SEMA3E: variants seen among roughly 807,000 people sequenced by gnomAD.
SEMA3E encodes semaphorin-3E.
In SEMA3E, 49 loss-of-function variants were observed where a neutral mutation model predicts 93.6. The observed-to-expected ratio is 0.52, with a 90% CI of 0.42 to 0.66. SEMA3E has a LOEUF of 0.66. SEMA3E is among the 30% of genes least tolerant of loss of function. The pLI, the probability that SEMA3E is intolerant of heterozygous loss-of-function variation, is 0.00. For missense variants in SEMA3E, 906 were observed against 964.8 expected (o/e 0.94, Z 0.81); for synonymous variants, 363 against 330.7 (o/e 1.10, Z -1.06).
chr7:83,586,192 G>A (rs78505740), intron 1 of SEMA3E, among the ~76,000 whole-genome samples: 3 of 152,096 alleles, frequency 2.0e-5, no homozygotes, highest in East Asian at 3.9e-4. Flanking sequence ...GACAAAGGAG[G>A]CACAGACTGA....
intron 1 of SEMA3E, chr7:83,616,590 A>G: frequency 3.0e-6 from 1 of 333,072 alleles, no homozygotes; most frequent in Non-Finnish European, 6.0e-6. Flanking sequence ...AAACTCCACT[A>G]AAACTTCTAC....
chr7:83,478,103 A>C (rs1222882608), intron 2 of SEMA3E, among the ~76,000 whole-genome samples: 1 of 152,176 alleles, frequency 6.6e-6, no homozygotes, highest in Non-Finnish European at 1.5e-5. Context: ...TTGTATTTTT[A>C]GTAGAGATAG....
intron 4 of SEMA3E, among the ~76,000 whole-genome samples, chr7:83,431,088 AAAAAAG>A (rs1209065050): frequency 0.095 from 400 of 4,226 alleles, 4 homozygotes; most frequent in Middle Eastern, 0.25. Context: ...AAAAAAAGAA[AAAAAAG>A]AAAAAAAAAA....
At chr7:83,535,213 C>T (rs1791389521) in intron 1 of SEMA3E, among the ~76,000 whole-genome samples, 1 of 152,086 alleles carries the variant, frequency 6.6e-6, no homozygotes, top group South Asian at 2.1e-4. Context: ...AGTTTCATAG[C>T]TTGGGACTAG....
chr7:83,507,424 C>CTGTGTGTGTGTGTGTGTG lies in SEMA3E; in HGVS notation c.116-17168_116-17151dup, dbSNP rs4016317. ...GGATTTATCACTTCAAAACAGAACT[C>CTGTGTGTGTGTGTGTGTG]TGTGTGTGTGTGTGTGTGTGTGTGT... On this transcript the variant is annotated intron_variant, in intron 1 of 16. Coordinates refer to ENST00000643230, the MANE Select transcript of SEMA3E (RefSeq NM_012431.3). 1.3e-4 allele frequency among the ~76,000 whole-genome samples: 17 copies of CTGTGTGTGTGTGTGTGTG among 125,996 alleles called. No individual in the cohort carries two copies. In the South Asian group the frequency reaches 1.4e-3, roughly 11 times the overall value. The allele number at this position is 125,996 out of a possible 152,430, so 82.7% of individuals were successfully genotyped here. A position where few individuals can be genotyped will look rare whatever the true frequency, so the allele number is the denominator to read the frequency against.
intron 1 of SEMA3E, among the ~76,000 whole-genome samples, chr7:83,520,609 A>G (rs987233399): frequency 1.7e-4 from 25 of 145,548 alleles, no homozygotes; most frequent in African/African-American, 5.4e-4. Flanking sequence ...CTGCCTAAAA[A>G]ACAAAACCCA....
chr7:83,572,860 C>G (rs1304542211), intron 1 of SEMA3E, among the ~76,000 whole-genome samples: 1 of 151,888 alleles, frequency 6.6e-6, no homozygotes. Flanking sequence ...TTATCATATA[C>G]AAGAATTAAC....
At position 83,382,451 on chromosome 7, in the gene SEMA3E, G is replaced by A. The variant is rs1405137346; in HGVS notation, c.1875+2843C>T. ...ACTCTCTGAGTTTTAGCTTCTGCAT[G>A]TGTAAGATGAAGAAAATTATGTCTA... On this transcript the variant is annotated intron_variant, in intron 16 of 16. Coordinates refer to ENST00000643230, the MANE Select transcript of SEMA3E (RefSeq NM_012431.3). Among the ~76,000 whole-genome samples, 5 of 152,032 alleles carry A rather than the reference G, an allele frequency of 3.3e-5. No homozygotes were observed. In the South Asian group the frequency reaches 6.2e-4, roughly 19 times the overall value.
intron 1 of SEMA3E, among the ~76,000 whole-genome samples, chr7:83,646,263 A>G (rs1794078487): frequency 6.6e-6 from 1 of 152,110 alleles, no homozygotes; most frequent in African/African-American, 2.4e-5. Flanking sequence ...GTAATATCTT[A>G]TTCCTAGTTT....
At chr7:83,555,566 G>A (rs1791870056) in intron 1 of SEMA3E, among the ~76,000 whole-genome samples, 1 of 152,098 alleles carries the variant, frequency 6.6e-6, no homozygotes. Context: ...TGTCTACAAT[G>A]AGGCTTAAAG....
At chr7:83,540,199 C>T (rs1435086065) in intron 1 of SEMA3E, among the ~76,000 whole-genome samples, 3 of 152,060 alleles carry the variant, frequency 2.0e-5, no homozygotes, top group African/African-American at 7.2e-5. Context: ...TATTTTTGAA[C>T]GGTGTTGTAG....
chr7:83,557,950 G>T (rs926981920), intron 1 of SEMA3E, among the ~76,000 whole-genome samples: 4 of 152,056 alleles, frequency 2.6e-5, no homozygotes, highest in Admixed American at 6.6e-5. Flanking sequence ...CCCAAGAAAG[G>T]CTGTAAAACC....
At chr7:83,512,310 G>A (rs759144464) in intron 1 of SEMA3E, among the ~76,000 whole-genome samples, 33 of 152,154 alleles carry the variant, frequency 2.2e-4, no homozygotes, top group Non-Finnish European at 4.4e-5. Context: ...TTGGAGAGGA[G>A]CAGCTCTCAA....
intron 1 of SEMA3E, among the ~76,000 whole-genome samples, chr7:83,635,415 C>T (rs988145098): frequency 1.3e-5 from 2 of 151,442 alleles, no homozygotes; most frequent in Admixed American, 1.3e-4. Context: ...TAATCCAGTG[C>T]TTCCCATTTC....
chr7:83,557,981 T>C (rs1248020093), intron 1 of SEMA3E, among the ~76,000 whole-genome samples: 1 of 152,176 alleles, frequency 6.6e-6, no homozygotes, highest in Non-Finnish European at 1.5e-5. Context: ...GCTTTTCTAT[T>C]TGAACATGAT....
chr7:83,445,906 C>A (rs1050277413), intron 4 of SEMA3E, among the ~76,000 whole-genome samples: 6 of 152,036 alleles, frequency 3.9e-5, no homozygotes, highest in Non-Finnish European at 8.8e-5. Context: ...GGAGATATTT[C>A]AAATGCTTTG....
In SEMA3E at chr7:83,648,676, T is replaced by C; in HGVS notation, c.-134A>G. 1 of 726,756 alleles carries C rather than the reference T, an allele frequency of 1.4e-6. No homozygotes were observed. The allele number at this position is 726,756 out of a possible 1,614,324, so 45.0% of individuals were successfully genotyped here. ...AACGCGTTGTCATCAGAAAGCACAG[T>C]TCCGAAGTGCCATTTGTCAGGCTGT... On this transcript the variant is annotated 5_prime_UTR_variant, in exon 1 of 17. Transcript: ENST00000643230.
intron 5 of SEMA3E, among the ~76,000 whole-genome samples, chr7:83,412,343 A>G (rs925101904): frequency 6.6e-6 from 1 of 152,160 alleles, no homozygotes; most frequent in African/African-American, 2.4e-5. Context: ...AAATACAAAA[A>G]ATGCTCAATA....
rs757611553 is a variant in SEMA3E at position 83,407,155 on chromosome 7, G to A, written c.755C>T (p.Ala252Val). 2 of 1,613,398 alleles carry A rather than the reference G, an allele frequency of 1.2e-6. No individual in the cohort carries two copies. Among genetic ancestry groups the A allele is most frequent in the Non-Finnish European group, 1.7e-6 (2 of 1,179,778 alleles). The change falls in exon 7 of 17, where the codon GCA (alanine) becomes GTA (valine). Residue 252 changes from alanine to valine, a missense_variant. By Grantham distance (64) the Ala-to-Val change is moderately conservative. Transcript: ENST00000643230. The stretch of plus-strand genomic sequence containing the variant: ...GTGAGCATTGTTTTCTGCCTCCAGT[G>A]CCTTCTCAGTAAAAAAGAAATATAC... ...NKVYFFFTEK[A>V]LEAENNAHAI...
Sources: allele counts gnomAD v4.1 joint callset (sites outside exome capture counted in the v4.1 genomes callset), GRCh38; gene constraint gnomAD v4.1.1; transcripts MANE v1.5; gene names NCBI Gene and HGNC (gene_info 2026-07-23, HGNC 2026-07-21).